Variants in SYNE1 observed in about 807,000 individuals in gnomAD.
The protein encoded by SYNE1 is nesprin-1.
A neutral mutation model predicts 1,111.0 loss-of-function variants in SYNE1; 616 were observed. That is an observed-to-expected ratio of 0.55 (90% CI 0.52 to 0.59). SYNE1 has a LOEUF of 0.59. SYNE1 is among the 20% of genes least tolerant of loss of function. The pLI, the probability that SYNE1 is intolerant of heterozygous loss-of-function variation, is 0.00. For missense variants in SYNE1, 10,006 were observed against 10,417.0 expected, an observed-to-expected ratio of 0.96 and a Z score of 1.72; for synonymous variants, 3,855 against 3,825.8, an observed-to-expected ratio of 1.01 and a Z score of -0.28.
chr6:152,324,924 A>C (rs2096015032), intron 81 of SYNE1, among the ~76,000 whole-genome samples, 160 bp downstream of exon 81: 1 of 152,234 alleles, frequency 6.6e-6, no homozygotes. Flanking sequence ...TGCATTTTGT[A>C]CTTTGTTTCA....
chr6:152,548,250 A>G (rs2099324133), intron 3 of SYNE1, among the ~76,000 whole-genome samples: 1 of 152,230 alleles, frequency 6.6e-6, no homozygotes, highest in Admixed American at 6.5e-5. Context: ...CTCCAAATGA[A>G]CAGGAGACTG....
In SYNE1 at chr6:152,527,027, T is replaced by C. The variant is rs575436368; in HGVS notation, c.130-852A>G. 2.0e-5 allele frequency among the ~76,000 whole-genome samples: 3 copies of C among 152,332 alleles called. No individual in the cohort carries two copies. In the East Asian group the frequency reaches 5.8e-4, roughly 29 times the overall value. ...TTGATGGTCAATAGAGGGGAGGTGTTCACTGATTTATCACAGAATCAGAAT... is the reference window on the plus strand; with the variant it reads ...TTGATGGTCAATAGAGGGGAGGTGTCCACTGATTTATCACAGAATCAGAAT... On this transcript the variant is annotated intron_variant, in intron 4 of 145. Transcript: ENST00000367255.
At position 152,154,945 on chromosome 6, in the gene SYNE1, T is replaced by C. The variant is rs1293018784; in HGVS notation, c.24076A>G (p.Ser8026Gly). 3.7e-6 allele frequency: 6 copies of C among 1,614,192 alleles called. No homozygotes were observed. The highest frequency in any genetic ancestry group is 5.1e-6 in the Non-Finnish European group (6 of 1,180,032). The change falls in exon 133 of 146, where the codon AGC becomes GGC. Residue 8026 changes from serine to glycine, a missense_variant. Ser to Gly is a moderately conservative substitution (Grantham distance 56). Around this residue, in one of 7 missense-constraint regions of SYNE1, gnomAD observed 2,182 missense variants for 2,287.8 expected, o/e 0.95. Coordinates refer to ENST00000367255, the MANE Select transcript of SYNE1 (RefSeq NM_182961.4). ...KSSERTAAFP[S>G]SSGVIYTVAK... ...ACTGTATAGATCACCCCAGAAGAGC[T>C]GGGAAAAGCAGCTGTCCTTTCTGAA...
chr6:152,314,298 C>T (rs1472387817), intron 87 of SYNE1, among the ~76,000 whole-genome samples: 1 of 152,172 alleles, frequency 6.6e-6, no homozygotes, highest in Non-Finnish European at 1.5e-5. Context: ...ATTCTTATCT[C>T]TTATCCCTTG....
chr6:152,626,475 C>G (rs1249810159), intron 3 of SYNE1, among the ~76,000 whole-genome samples: 2 of 152,038 alleles, frequency 1.3e-5, no homozygotes, highest in African/African-American at 2.4e-5. Context: ...CAAACATAGA[C>G]AGTGGAATGG....
At chr6:152,572,612 T>C (rs2099468719) in intron 3 of SYNE1, among the ~76,000 whole-genome samples, 1 of 152,226 alleles carries the variant, frequency 6.6e-6, no homozygotes, top group Non-Finnish European at 1.5e-5. Context: ...CTACTCATCG[T>C]TGCCAGATAC....
intron 55 of SYNE1, among the ~76,000 whole-genome samples, chr6:152,384,536 T>C (rs77544744): frequency 0.016 from 2,372 of 152,294 alleles, 59 homozygotes; most frequent in African/African-American, 0.054. Context: ...AAAACATACA[T>C]AGTCATAAGA....
At chr6:152,375,086 G>A (rs777093297) in intron 58 of SYNE1, among the ~76,000 whole-genome samples, 83 of 151,954 alleles carry the variant, frequency 5.5e-4, no homozygotes, top group Non-Finnish European at 9.1e-4. Flanking sequence ...GATTACGGGC[G>A]CCTGCCACCA....
intron 66 of SYNE1, among the ~76,000 whole-genome samples, chr6:152,355,907 G>C (rs1158101125): frequency 1.3e-5 from 2 of 152,038 alleles, no homozygotes; most frequent in Non-Finnish European, 2.9e-5. Flanking sequence ...TCAACTAATA[G>C]AAAATTTTTC....
intron 105 of SYNE1, among the ~76,000 whole-genome samples, chr6:152,246,226 A>G (rs1350091406): frequency 6.6e-6 from 1 of 152,184 alleles, no homozygotes; most frequent in Non-Finnish European, 1.5e-5. Flanking sequence ...TGAATAGGCA[A>G]CAAAAGATTT....
Position 152,444,515 on chromosome 6 carries a change from G to C in SYNE1, c.3733C>G (p.Leu1245Val). The C allele has an allele frequency of 6.2e-7, 1 of 1,613,484 alleles. No individual in the cohort carries two copies. Among genetic ancestry groups the C allele is most frequent in the Non-Finnish European group, 8.5e-7 (1 of 1,179,794 alleles). Residue 1245 changes from leucine (L) to valine (V), a missense_variant, in exon 30 of 146, where the codon CTC becomes GTC. Transcript: ENST00000367255. ...TTAGAGCCAGAAATTAATTCTTCGA[G>C]AGAATTTTTGACTATTTCTTTGTAC... Reference protein sequence around the residue: ...VQYKEIVKNSLEELISGSKEV... With the variant: ...VQYKEIVKNSVEELISGSKEV...
intron 98 of SYNE1, 88 bp from the exon 99 acceptor site, chr6:152,269,374 T>C (rs752625368): frequency 3.1e-5 from 50 of 1,599,944 alleles, no homozygotes; most frequent in Non-Finnish European, 4.1e-5. Flanking sequence ...GTGTGATCTA[T>C]GTAATGATAC....
intron 64 of SYNE1, among the ~76,000 whole-genome samples, chr6:152,361,483 G>T (rs190553440): frequency 1.4e-4 from 21 of 152,304 alleles, no homozygotes; most frequent in African/African-American, 4.8e-4. Flanking sequence ...CAGATGCAAA[G>T]TGGCAATGAG....
intron 3 of SYNE1, among the ~76,000 whole-genome samples, chr6:152,583,963 G>C (rs1236072663): frequency 6.6e-6 from 1 of 152,188 alleles, no homozygotes; most frequent in African/African-American, 2.4e-5. Flanking sequence ...TCTCTTCTGT[G>C]TGCATCTTTG....
intron 34 of SYNE1, among the ~76,000 whole-genome samples, chr6:152,431,554 A>C (rs1198292194): frequency 6.6e-6 from 1 of 152,228 alleles, no homozygotes; most frequent in Non-Finnish European, 1.5e-5. Context: ...CAAACATAGA[A>C]GCTTGTTTGT....
At chr6:152,170,383 T>C (rs1256376515) in intron 130 of SYNE1, among the ~76,000 whole-genome samples, 5 of 152,222 alleles carry the variant, frequency 3.3e-5, no homozygotes, top group Admixed American at 3.3e-4. Flanking sequence ...CATTTTCTCA[T>C]TGGAGATGTG....
intron 59 of SYNE1, among the ~76,000 whole-genome samples, chr6:152,372,784 C>T (rs1430431420): frequency 6.6e-6 from 1 of 152,194 alleles, no homozygotes; most frequent in Non-Finnish European, 1.5e-5. Flanking sequence ...CTGGCTGTTC[C>T]TGCTGGGAGA....
chr6:152,572,456 G>T (rs1465167183), intron 3 of SYNE1, among the ~76,000 whole-genome samples: 1 of 152,052 alleles, frequency 6.6e-6, no homozygotes, highest in Non-Finnish European at 1.5e-5. Context: ...AAATTGTTTG[G>T]ATTGGAAGAG....
intron 128 of SYNE1, among the ~76,000 whole-genome samples, chr6:152,188,850 T>C (rs7745102): frequency 0.4 from 58,947 of 147,280 alleles, 11,869 homozygotes; most frequent in African/African-American, 0.49. Flanking sequence ...CCCAGCTACT[T>C]GGGAGGCTGA....
Sources: gnomAD v4.1 joint callset for allele counts (sites outside exome capture counted in the v4.1 genomes callset) on GRCh38, gnomAD v4.1.1 for gene constraint, gnomAD v4.1.1 regional missense constraint, MANE v1.5 for transcripts, NCBI Gene and HGNC (gene_info 2026-07-23, HGNC 2026-07-21) for gene names.